The following SCIN variants were observed in gnomAD, a reference collection of about 807,000 sequenced individuals.
SCIN encodes the protein scinderin, also known as adseverin.
Under a neutral mutation model 91.8 loss-of-function variants are expected in SCIN, and 91 were observed. The observed-to-expected ratio is 0.99, with a 90% CI of 0.84 to 1.18. SCIN has a LOEUF of 1.18. SCIN is among the 50% of genes most tolerant of loss of function. The probability of loss-of-function intolerance (pLI) is 0.00; values close to 1 mark genes in which losing one functional copy is unlikely to be tolerated. For synonymous variants in SCIN, 367 were observed against 312.6 expected (o/e 1.17, Z -1.84); for missense variants, 1,087 against 863.9 (o/e 1.26, Z -3.24).
chr7:12,650,067 T>G (rs1784050389), intron 14 of SCIN, among the ~76,000 whole-genome samples: 1 of 152,194 alleles, frequency 6.6e-6, no homozygotes, highest in African/African-American at 2.4e-5. Flanking sequence ...ATCTGATAGG[T>G]TTTTAACCTC....
At chr7:12,586,027 A>G (rs981362415) in intron 3 of SCIN, among the ~76,000 whole-genome samples, 3 of 152,192 alleles carry the variant, frequency 2.0e-5, no homozygotes, top group African/African-American at 7.2e-5. Flanking sequence ...CCCTGTCATT[A>G]TGCAGAGACT....
intron 4 of SCIN, among the ~76,000 whole-genome samples, chr7:12,612,531 C>T (rs1484520269): frequency 6.6e-6 from 1 of 152,088 alleles, no homozygotes; most frequent in African/African-American, 2.4e-5. Context: ...TTAGTACACT[C>T]CTGAAATCCA....
Position 12,657,513 on chromosome 7 carries a change from A to C in SCIN, c.*4798A>C, listed in dbSNP as rs1407517374. ...CATGAGCCACCGCATCTGGACACGAATTTTTAAGTTTTATATATGTGTGTG... is the reference window on the plus strand; with the variant it reads ...CATGAGCCACCGCATCTGGACACGACTTTTTAAGTTTTATATATGTGTGTG... On this transcript the variant is annotated 3_prime_UTR_variant, in exon 16 of 16. Transcript: ENST00000297029. The C allele has an allele frequency of 1.6e-5, 2 of 121,836 alleles. No individual in the cohort carries two copies. Among genetic ancestry groups the C allele is most frequent in the Admixed American group, 2.0e-4 (2 of 10,138 alleles). The allele number at this position is 121,836 out of a possible 1,614,324, so 7.5% of individuals were successfully genotyped here.
chr7:12,594,661 A>G (rs1782800543), intron 3 of SCIN, among the ~76,000 whole-genome samples: 1 of 152,074 alleles, frequency 6.6e-6, no homozygotes, highest in Non-Finnish European at 1.5e-5. Flanking sequence ...TGGGAGGGGT[A>G]GACTGAGAGG....
Position 12,652,823 on chromosome 7 carries a change from G to A in SCIN, c.*108G>A. On this transcript the variant is annotated 3_prime_UTR_variant, in exon 16 of 16. Coordinates refer to ENST00000297029, the MANE Select transcript of SCIN (RefSeq NM_001112706.3). The stretch of plus-strand genomic sequence containing the variant: ...GCTTATTTGTCTTTTGAAAATTAAG[G>A]CTGGGCGCGGTGGCTCACACCTGTA... The A allele has an allele frequency of 7.1e-7, 1 of 1,409,606 alleles. No homozygotes were observed. 87.3% of individuals were successfully genotyped at this position (1,409,606 alleles called of 1,614,324 possible). A position where few individuals can be genotyped will look rare whatever the true frequency, so the allele number is the denominator to read the frequency against.
intron 4 of SCIN, among the ~76,000 whole-genome samples, chr7:12,607,520 G>A (rs897292288): frequency 3.9e-5 from 6 of 152,216 alleles, no homozygotes; most frequent in African/African-American, 1.4e-4. Context: ...TAAAATATTA[G>A]TGATAAGGAT....
chr7:12,614,218 C>T (rs893780128), intron 4 of SCIN, among the ~76,000 whole-genome samples: 1 of 152,196 alleles, frequency 6.6e-6, no homozygotes, highest in Non-Finnish European at 1.5e-5. Context: ...AGATGGCTCA[C>T]TGGTAGGCTG....
In SCIN at chr7:12,626,864, G is replaced by A. The variant is rs558930676; in HGVS notation, c.1197+65G>A. The A allele has an allele frequency of 4.4e-4, 595 of 1,352,870 alleles. 1 individual carries two copies. The African/African-American group carries it at 7.3e-3, about 17-fold the overall frequency. The allele number at this position is 1,352,870 out of a possible 1,614,324, so 83.8% of individuals were successfully genotyped here. On this transcript the variant is annotated intron_variant, in intron 8 of 15. Coordinates refer to ENST00000297029, the MANE Select transcript of SCIN (RefSeq NM_001112706.3). Reference sequence around the variant, plus strand: ...CAGTGTATGTAGGGGGAGGGTGGGGGAGATCACTTGAGGACAGGAGTTCGA... The same window carrying A: ...CAGTGTATGTAGGGGGAGGGTGGGGAAGATCACTTGAGGACAGGAGTTCGA...
In SCIN at chr7:12,629,852, G is replaced by A. The variant is rs563605651; in HGVS notation, c.1319+630G>A. 7.4e-4 allele frequency among the ~76,000 whole-genome samples: 112 copies of A among 152,150 alleles called. 1 individual carries two copies. Among genetic ancestry groups the A allele is most frequent in the Non-Finnish European group, 1.4e-3 (95 of 68,028 alleles). On this transcript the variant is annotated intron_variant, in intron 9 of 15. Transcript: ENST00000297029. ...ATGTGCATACACCATGCTAGGATAT[G>A]TCAAGGGATAGGGATTCTGCAACAA...
intron 1 of SCIN, chr7:12,577,630 C>G (rs756686389): frequency 8.8e-6 from 4 of 455,884 alleles, no homozygotes; most frequent in African/African-American, 4.0e-5. Context: ...AGCCAGAGGA[C>G]TGCTTGAGGC....
chr7:12,570,998 G>A lies in SCIN; in HGVS notation c.199+13G>A, dbSNP rs1021567988. On this transcript the variant is annotated intron_variant, in intron 1 of 15. Transcript: ENST00000297029. Reference sequence around the variant, plus strand: ...CACTTCTGGCTCGGTAAGGGACGGCGGGCGGCGGGACCCCGACGCACCAAG... The same window carrying A: ...CACTTCTGGCTCGGTAAGGGACGGCAGGCGGCGGGACCCCGACGCACCAAG... 1.9e-5 allele frequency: 29 copies of A among 1,544,178 alleles called. No homozygotes were observed. Among genetic ancestry groups the A allele is most frequent in the African/African-American group, 2.7e-5 (2 of 72,894 alleles).
Position 12,604,650 on chromosome 7 carries a change from C to T in SCIN, c.653C>T (p.Ser218Leu). 2 of 1,552,002 alleles carry T rather than the reference C, an allele frequency of 1.3e-6. No individual in the cohort carries two copies. Among genetic ancestry groups the T allele is most frequent in the Non-Finnish European group, 1.7e-6 (2 of 1,147,054 alleles). The change falls in exon 4 of 16, where the codon TCA becomes TTA. Residue 218 changes from serine (S) to leucine (L), a missense_variant. Physicochemically the swap from Ser to Leu is moderately radical, Grantham distance 145 (BLOSUM62 -2). Coordinates refer to ENST00000297029, the MANE Select transcript of SCIN (RefSeq NM_001112706.3). Reference sequence around the variant, plus strand: ...GTCGTGGAAGAAGGAAGTGAACCCTCAGAACTTATAAAGGTATTGTGACTC... The same window carrying T: ...GTCGTGGAAGAAGGAAGTGAACCCTTAGAACTTATAAAGGTATTGTGACTC... ...LIVVEEGSEP[S>L]ELIKVLGEKP...
At chr7:12,622,548 G>C (rs1158987614) in intron 4 of SCIN, among the ~76,000 whole-genome samples, 2 of 151,972 alleles carry the variant, frequency 1.3e-5, no homozygotes, top group East Asian at 1.9e-4. Flanking sequence ...TCTCAAATTA[G>C]GGATTTTCCT....
Position 12,640,402 on chromosome 7 carries a change from A to G in SCIN, c.1466A>G (p.Lys489Arg), listed in dbSNP as rs766334397. ...PVHLLSLFKD[K>R]PLIIYKNGTS... ...CACCTACTGAGTTTGTTCAAAGACA[A>G]ACCGCTCATTATTTACAAGAATGGA... is the stretch of plus-strand genomic sequence containing the variant. Residue 489 changes from lysine to arginine, a missense_variant, in exon 11 of 16, where the codon AAA becomes AGA. By Grantham distance (26) the Lys-to-Arg change is conservative. Transcript: ENST00000297029. The G allele has an allele frequency of 1.2e-6, 2 of 1,613,330 alleles. No individual in the cohort carries two copies. Among genetic ancestry groups the G allele is most frequent in the Non-Finnish European group, 8.5e-7 (1 of 1,179,636 alleles).
chr7:12,649,238 A>G (rs1250652201), intron 13 of SCIN, among the ~76,000 whole-genome samples: 1 of 152,196 alleles, frequency 6.6e-6, no homozygotes, highest in Admixed American at 6.5e-5. Context: ...TTAATTTCAC[A>G]AATGCAATGT....
intron 4 of SCIN, among the ~76,000 whole-genome samples, chr7:12,609,737 C>G (rs1417008716): frequency 1.3e-5 from 2 of 152,062 alleles, no homozygotes; most frequent in South Asian, 4.1e-4. Flanking sequence ...TGGTGAAATA[C>G]TGGCAGTAAA....
At chr7:12,594,607 G>T (rs568690632) in intron 3 of SCIN, among the ~76,000 whole-genome samples, 1 of 152,246 alleles carries the variant, frequency 6.6e-6, no homozygotes, top group African/African-American at 2.4e-5. Context: ...AACGGAGGCC[G>T]AGAGCCTTGC....
intron 1 of SCIN, among the ~76,000 whole-genome samples, chr7:12,576,377 G>A (rs1465008690): frequency 6.7e-6 from 1 of 150,178 alleles, no homozygotes; most frequent in African/African-American, 2.4e-5. Context: ...TGTTGTTGTT[G>A]TTGTTTCCCC....
At chr7:12,631,601 C>G (rs1418828486) in intron 9 of SCIN, among the ~76,000 whole-genome samples, 1 of 152,124 alleles carries the variant, frequency 6.6e-6, no homozygotes, top group East Asian at 1.9e-4. Context: ...AGAAAGAAGC[C>G]TGAGCTGGCA....
Sources: allele counts gnomAD v4.1 joint callset (sites outside exome capture counted in the v4.1 genomes callset), GRCh38; gene constraint gnomAD v4.1.1; transcripts MANE v1.5; gene names NCBI Gene and HGNC (gene_info 2026-07-23, HGNC 2026-07-21).